Variants in ATP7A observed in about 807,000 individuals in gnomAD.
ATP7A encodes the protein copper-transporting ATPase 1.
A neutral mutation model predicts 83.5 loss-of-function variants in ATP7A; 7 were observed. The ratio of observed to expected loss-of-function variants is 0.08; its 90% CI spans 0.05 to 0.16. The LOEUF (loss-of-function observed/expected upper bound fraction) is 0.16, where lower values mean the gene tolerates loss of function less well. ATP7A is among the 10% of genes least tolerant of loss of function. The probability of loss-of-function intolerance (pLI) is 1.00; values close to 1 mark genes in which losing one functional copy is unlikely to be tolerated. For synonymous variants in ATP7A, 354 were observed against 395.2 expected (o/e 0.90, Z 1.24); for missense variants, 940 against 1,120.8 (o/e 0.84, Z 2.30).
At chrX:77,938,879 T>G (rs2077335198) in intron 1 of ATP7A, among the ~76,000 whole-genome samples, 1 of 112,490 alleles carries the variant, frequency 8.9e-6, no homozygotes, top group African/African-American at 3.2e-5. Flanking sequence ...ATTTTAATAT[T>G]CAATATATTA....
At chrX:77,920,292 T>C (rs2077206359) in intron 1 of ATP7A, among the ~76,000 whole-genome samples, 1 of 107,393 alleles carries the variant, frequency 9.3e-6, no homozygotes, top group Non-Finnish European at 1.9e-5. Flanking sequence ...CTCGGCTCAC[T>C]GCAAGCTCTG....
Position 78,047,011 on chromosome X carries a change from G to T in ATP7A, c.*441G>T, listed in dbSNP as rs2078087804. On this transcript the variant is annotated 3_prime_UTR_variant, in exon 23 of 23. Transcript: ENST00000341514. ...TCAAGCCTGTATCCCTGCCCCACTG[G>T]GGAGCAATGACTTTCAAAGCACTGT... 1 of 130,478 alleles carries T rather than the reference G, an allele frequency of 7.7e-6. No homozygotes were observed. The highest frequency in any genetic ancestry group is 1.6e-5 in the Non-Finnish European group (1 of 64,358). The allele number at this position is 130,478 out of a possible 1,213,427, so 10.8% of individuals were successfully genotyped here.
chrX:78,001,001 C>A (rs1008612740), intron 5 of ATP7A, among the ~76,000 whole-genome samples: 1 of 112,021 alleles, frequency 8.9e-6, no homozygotes, highest in Non-Finnish European at 1.9e-5. Flanking sequence ...AGAAAGAGTT[C>A]TTATTATAGT....
At chrX:77,921,151 G>A (rs1806987117) in intron 1 of ATP7A, among the ~76,000 whole-genome samples, 1 of 111,493 alleles carries the variant, frequency 9.0e-6, no homozygotes, top group African/African-American at 3.3e-5. Flanking sequence ...TTTGTCCTTC[G>A]TGATCTGACC....
At position 77,971,698 on chromosome X, in the gene ATP7A, C is replaced by T. The variant is rs145406974; in HGVS notation, c.57C>T (p.Cys19=). The T allele has an allele frequency of 8.3e-7, 1 of 1,209,957 alleles. No homozygotes were observed. The highest frequency in any genetic ancestry group is 3.0e-5 in the East Asian group (1 of 33,814). ...SVTISVEGMT[C]NSCVWTIEQQ... ...CCATTTCTGTTGAGGGTATGACTTG[C>T]AATTCCTGTGTTTGGACCATTGAGC... The change falls in exon 2 of 23, where the codon TGC becomes TGT. Residue 19 remains cysteine, a synonymous_variant. Coordinates refer to ENST00000341514, the MANE Select transcript of ATP7A (RefSeq NM_000052.7).
intron 1 of ATP7A, chrX:77,963,492 A>G (rs1286780336): frequency 8.9e-6 from 1 of 112,710 alleles, no homozygotes; most frequent in African/African-American, 3.2e-5. Context: ...TGTATGAATC[A>G]GGACTTTGTT....
chrX:77,962,929 A>T (rs782540240), intron 1 of ATP7A: 73 of 309,075 alleles, frequency 2.4e-4, no homozygotes, highest in African/African-American at 1.5e-3. Context: ...GTGACTGTGT[A>T]ATAATTCATA....
intron 6 of ATP7A, among the ~76,000 whole-genome samples, chrX:78,005,409 C>T (rs962325519): frequency 3.7e-5 from 4 of 108,971 alleles, no homozygotes; most frequent in Non-Finnish European, 7.7e-5. Context: ...AGGCTGGGTG[C>T]GGTGGCTCAT....
chrX:77,959,112 A>C (rs1303050614), intron 1 of ATP7A, among the ~76,000 whole-genome samples: 1 of 110,701 alleles, frequency 9.0e-6, no homozygotes, highest in African/African-American at 3.3e-5. Context: ...TTTAGTGTAG[A>C]GATCTTTCAC....
chrX:78,026,617 A>C (rs1364586733), intron 14 of ATP7A, among the ~76,000 whole-genome samples: 1 of 112,134 alleles, frequency 8.9e-6, no homozygotes, highest in African/African-American at 3.2e-5. Context: ...ACTCCACTCA[A>C]TAACCACAGA....
At position 78,043,306 on chromosome X, in the gene ATP7A, T is replaced by A. The variant is rs1325784914; in HGVS notation, c.4006-11T>A. 2 of 1,144,065 alleles carry A rather than the reference T, an allele frequency of 1.7e-6. No individual in the cohort carries two copies. Among genetic ancestry groups the A allele is most frequent in the Non-Finnish European group, 2.4e-6 (2 of 835,321 alleles). 94.3% of individuals were successfully genotyped at this position (1,144,065 alleles called of 1,213,427 possible). A position where few individuals can be genotyped will look rare whatever the true frequency, so the allele number is the denominator to read the frequency against. On this transcript the variant is annotated splice_polypyrimidine_tract_variant and intron_variant, in intron 20 of 22. Transcript: ENST00000341514. ...GTCTCTTACTAATATCACAAATATT[T>A]CTGTTCTTAGAATGATCTTCTGGAT...
chrX:77,931,921 G>A (rs1313575893), intron 1 of ATP7A, among the ~76,000 whole-genome samples: 1 of 88,235 alleles, frequency 1.1e-5, no homozygotes, highest in South Asian at 6.0e-4. Flanking sequence ...CTCACCTCCC[G>A]GACCGGGCGG....
rs782695929 is a variant in ATP7A at position 78,035,057 on chromosome X, T to C, written c.3511+1236T>C. Reference sequence around the variant, plus strand: ...CTGCACCCCTGGCTGTTCCTTTTAATTGTCCTTTGGTTCCTCATTTCTCTT... The same window carrying C: ...CTGCACCCCTGGCTGTTCCTTTTAACTGTCCTTTGGTTCCTCATTTCTCTT... On this transcript the variant is annotated intron_variant, in intron 17 of 22. Transcript: ENST00000341514. Among the ~76,000 whole-genome samples, 30 of 111,736 alleles carry C rather than the reference T, an allele frequency of 2.7e-4. No homozygotes were observed. In the Admixed American group the frequency reaches 2.8e-3, roughly 11 times the overall value.
In ATP7A at chrX:78,020,323, C is replaced by T; in HGVS notation, c.2706C>T (p.Ile902=). The T allele has an allele frequency of 8.3e-7, 1 of 1,211,601 alleles. No individual in the cohort carries two copies. Residue 902 remains isoleucine, a synonymous_variant, in exon 13 of 23, where the codon ATC becomes ATT. Transcript: ENST00000341514. ...TTAACCAGAACGGGTCACTGCTTAT[C>T]TGCGCAACACATGTTGGAGCAGACA... is the stretch of plus-strand genomic sequence containing the variant. ...GSINQNGSLL[I]CATHVGADTT... is the part of the protein sequence containing the mutation.
chrX:77,952,515 G>A (rs1483688404), intron 1 of ATP7A, among the ~76,000 whole-genome samples: 1 of 111,702 alleles, frequency 9.0e-6, no homozygotes, highest in African/African-American at 3.3e-5. Flanking sequence ...TTGGTGAATT[G>A]TCTTTTAAGG....
intron 1 of ATP7A, among the ~76,000 whole-genome samples, chrX:77,933,754 G>A (rs1286403508): frequency 8.9e-6 from 1 of 112,180 alleles, no homozygotes; most frequent in Non-Finnish European, 1.9e-5. Context: ...CACCCATGTG[G>A]ACAATCTGTG....
chrX:77,928,105 G>A (rs1289632016), intron 1 of ATP7A, among the ~76,000 whole-genome samples: 1 of 110,128 alleles, frequency 9.1e-6, no homozygotes, highest in Non-Finnish European at 1.9e-5. Context: ...GGGACTACAG[G>A]TATGCACCAC....
At chrX:78,021,489 G>A (rs2077905218) in intron 14 of ATP7A, among the ~76,000 whole-genome samples, 1 of 111,519 alleles carries the variant, frequency 9.0e-6, no homozygotes, top group Admixed American at 9.6e-5. Context: ...CCCATTTTGT[G>A]TAACTTAAGG....
At chrX:77,999,948 G>C (rs1258031408) in intron 5 of ATP7A, among the ~76,000 whole-genome samples, 1 of 108,825 alleles carries the variant, frequency 9.2e-6, no homozygotes, top group Admixed American at 9.9e-5. Context: ...GGTTTCATGA[G>C]ATCAAAGTCA....
Sources: gnomAD v4.1 joint callset for allele counts (sites outside exome capture counted in the v4.1 genomes callset) on GRCh38, gnomAD v4.1.1 for gene constraint, MANE v1.5 for transcripts, NCBI Gene and HGNC (gene_info 2026-07-23, HGNC 2026-07-21) for gene names.